PAK1: variants seen among roughly 807,000 people sequenced by gnomAD.
PAK1 encodes serine/threonine-protein kinase PAK 1.
Under a neutral mutation model 67.4 loss-of-function variants are expected in PAK1, and 29 were observed. The ratio of observed to expected loss-of-function variants is 0.43; its 90% CI spans 0.32 to 0.59. The LOEUF is 0.59. Among genes scored for constraint, PAK1 ranks in the 20% least tolerant of loss-of-function variants. The pLI, the probability that PAK1 is intolerant of heterozygous loss-of-function variation, is 0.07. For missense variants in PAK1, 337 were observed against 670.7 expected (o/e 0.50, Z 5.50); for synonymous variants, 223 against 237.4 (o/e 0.94, Z 0.56).
In PAK1 at chr11:77,426,335, G is replaced by A. The variant is rs949437718; in HGVS notation, c.-21-33794C>T. 1.1e-4 allele frequency among the ~76,000 whole-genome samples: 17 copies of A among 151,958 alleles called. 1 individual carries two copies. Among genetic ancestry groups the A allele is most frequent in the Non-Finnish European group, 2.2e-4 (15 of 67,992 alleles). ...GAAATTATGGCATATACTAAGCCAGGGACAATGCTTAGGTTGATGACTCCC... is the reference window on the plus strand; with the variant it reads ...GAAATTATGGCATATACTAAGCCAGAGACAATGCTTAGGTTGATGACTCCC... On this transcript the variant is annotated intron_variant, in intron 1 of 14. Transcript: ENST00000356341.
At chr11:77,496,975 C>A in the PAK1 span, among the ~76,000 whole-genome samples, 1 of 152,232 alleles carries the variant, frequency 6.6e-6, no homozygotes, top group East Asian at 1.9e-4. Context: ...GTGATTTGAA[C>A]CCAGAACCAG....
chr11:77,431,092 T>G (rs945366582), intron 1 of PAK1, among the ~76,000 whole-genome samples: 1 of 148,904 alleles, frequency 6.7e-6, no homozygotes, highest in Non-Finnish European at 1.5e-5. Flanking sequence ...GCTCAGTCCA[T>G]GGAAAAATTG....
chr11:77,496,273 T>G, the PAK1 span, among the ~76,000 whole-genome samples: 1 of 152,070 alleles, frequency 6.6e-6, no homozygotes, highest in Non-Finnish European at 1.5e-5. Flanking sequence ...CGCCTCAGCC[T>G]CCCAAAGTGC....
intron 1 of PAK1, among the ~76,000 whole-genome samples, chr11:77,410,692 G>T (rs557134765): frequency 6.5e-4 from 98 of 151,714 alleles, no homozygotes; most frequent in African/African-American, 2.3e-3. Flanking sequence ...GGGAGAAAAG[G>T]TAGGCAGGGG....
At chr11:77,341,360 CAA>C (rs1943571082) in intron 10 of PAK1, among the ~76,000 whole-genome samples, 1 of 152,156 alleles carries the variant, frequency 6.6e-6, no homozygotes, top group African/African-American at 2.4e-5. Flanking sequence ...TTAAAAGCTG[CAA>C]AGTGTTGTAT....
chr11:77,520,341 T>C, the PAK1 span, among the ~76,000 whole-genome samples: 1 of 152,076 alleles, frequency 6.6e-6, no homozygotes, highest in African/African-American at 2.4e-5. Flanking sequence ...AGGGCCATCA[T>C]CCAAGGCTCC....
chr11:77,481,248 A>G, the PAK1 span, among the ~76,000 whole-genome samples: 3 of 152,228 alleles, frequency 2.0e-5, no homozygotes, highest in African/African-American at 4.8e-5. Flanking sequence ...TTAATGATCC[A>G]TCAACTTAAT....
At chr11:77,498,225 G>C in the PAK1 span, among the ~76,000 whole-genome samples, 3 of 152,136 alleles carry the variant, frequency 2.0e-5, no homozygotes, top group East Asian at 3.8e-4. Context: ...GTTAACATTA[G>C]GGGGAGCTGG....
intron 8 of PAK1, among the ~76,000 whole-genome samples, chr11:77,351,951 T>TGA (rs1442271558): frequency 6.6e-6 from 1 of 152,122 alleles, no homozygotes; most frequent in Non-Finnish European, 1.5e-5. Flanking sequence ...TTTATATATG[T>TGA]ACACACCCAT....
At chr11:77,366,420 A>G (rs550545744) in intron 5 of PAK1, among the ~76,000 whole-genome samples, 9 of 152,266 alleles carry the variant, frequency 5.9e-5, no homozygotes, top group Non-Finnish European at 8.8e-5. Flanking sequence ...ACACGTGCAC[A>G]CACACATATA....
At chr11:77,465,826 T>C (rs1455551983) in intron 1 of PAK1, among the ~76,000 whole-genome samples, 1 of 152,086 alleles carries the variant, frequency 6.6e-6, no homozygotes, top group East Asian at 1.9e-4. Context: ...AGCATGCCCC[T>C]GTGGTCCCAG....
At chr11:77,487,928 T>C in the PAK1 span, among the ~76,000 whole-genome samples, 3 of 152,206 alleles carry the variant, frequency 2.0e-5, no homozygotes, top group South Asian at 4.1e-4. Context: ...TGAGTGAACA[T>C]AGGAAGTACC....
intron 13 of PAK1, among the ~76,000 whole-genome samples, chr11:77,334,179 AT>A (rs1190356725): frequency 4.1e-5 from 6 of 147,356 alleles, no homozygotes; most frequent in Admixed American, 2.0e-4. Context: ...AAAAAAAAAA[AT>A]AAAATAAAAA....
At chr11:77,505,376 C>G in the PAK1 span, among the ~76,000 whole-genome samples, 50 of 152,086 alleles carry the variant, frequency 3.3e-4, 2 homozygotes, top group Admixed American at 3.2e-3. Flanking sequence ...GTAGTAGAGA[C>G]AAGATTTCAT....
chr11:77,444,386 G>A (rs966141670), intron 1 of PAK1, among the ~76,000 whole-genome samples: 1 of 151,786 alleles, frequency 6.6e-6, no homozygotes, highest in Admixed American at 6.6e-5. Flanking sequence ...GTATCATCAG[G>A]AAGCTTATAT....
At chr11:77,430,422 C>T (rs1955806881) in intron 1 of PAK1, among the ~76,000 whole-genome samples, 1 of 152,124 alleles carries the variant, frequency 6.6e-6, no homozygotes, top group Non-Finnish European at 1.5e-5. Context: ...TATGAGTGTC[C>T]GAATAACCAG....
chr11:77,326,756 C>T, intron 14 of PAK1, among the ~76,000 whole-genome samples: 1 of 152,242 alleles, frequency 6.6e-6, no homozygotes, highest in South Asian at 2.1e-4. Context: ...GAACGCAGCT[C>T]CTCACCAGCA....
chr11:77,401,931 G>C (rs2137727874), intron 1 of PAK1, among the ~76,000 whole-genome samples: 1 of 152,256 alleles, frequency 6.6e-6, no homozygotes, highest in South Asian at 2.1e-4. Flanking sequence ...TATATCCCTA[G>C]GCTGAGCTGG....
chr11:77,425,739 A>G lies in PAK1; in HGVS notation c.-21-33198T>C, dbSNP rs549872371. Among the ~76,000 whole-genome samples, 11 of 152,358 alleles carry G rather than the reference A, an allele frequency of 7.2e-5. No homozygotes were observed. The South Asian group carries it at 2.3e-3, about 32-fold the overall frequency. ...TATTTGCCAAAGTGAGTTAAAAAGA[A>G]TAATTCATATTTCTGTTTAAATAAG... On this transcript the variant is annotated intron_variant, in intron 1 of 14. Transcript: ENST00000356341.
Sources: gnomAD v4.1 joint callset for allele counts (sites outside exome capture counted in the v4.1 genomes callset) on GRCh38, gnomAD v4.1.1 for gene constraint, MANE v1.5 for transcripts, NCBI Gene and HGNC (gene_info 2026-07-23, HGNC 2026-07-21) for gene names.